The following KLF12 variants were observed in gnomAD, a reference collection of about 807,000 sequenced individuals.
KLF12 encodes KLF transcription factor 12.
In KLF12, 9 loss-of-function variants were observed where a neutral mutation model predicts 37.8. The observed-to-expected ratio is 0.24, with a 90% CI of 0.14 to 0.42. The LOEUF is 0.42. Among genes scored for constraint, KLF12 ranks in the 10% least tolerant of loss-of-function variants. The pLI is 1.00. For missense variants in KLF12, 411 were observed against 516.0 expected (o/e 0.80, Z 1.97); for synonymous variants, 208 against 202.1 (o/e 1.03, Z -0.25).
intron 5 of KLF12, among the ~76,000 whole-genome samples, chr13:73,803,151 C>A (rs1882370310): frequency 1.3e-5 from 2 of 152,170 alleles, no homozygotes; most frequent in Admixed American, 1.3e-4. Context: ...CAAGAGAAAG[C>A]ATGAGTAGAT....
At chr13:74,265,299 C>T in the KLF12 span, among the ~76,000 whole-genome samples, 1 of 152,136 alleles carries the variant, frequency 6.6e-6, no homozygotes, top group African/African-American at 2.4e-5. Context: ...CCTCCAGAGG[C>T]CATTTATTCG....
At chr13:73,995,190 T>C in intron 1 of KLF12, 137 bp from the exon 2 acceptor site, 2 of 611,992 alleles carry the variant, frequency 3.3e-6, no homozygotes, top group Middle Eastern at 8.5e-4. Context: ...TATCTTTTCT[T>C]CAGCTATGTG....
intron 4 of KLF12, among the ~76,000 whole-genome samples, chr13:73,837,056 G>A (rs1884472197): frequency 6.6e-6 from 1 of 152,132 alleles, no homozygotes; most frequent in Non-Finnish European, 1.5e-5. Context: ...TGACTGTCCT[G>A]TTTATCTTCA....
intron 7 of KLF12, among the ~76,000 whole-genome samples, chr13:73,704,606 C>T (rs778531103): frequency 1.3e-5 from 2 of 152,164 alleles, no homozygotes; most frequent in East Asian, 1.9e-4. Flanking sequence ...TCTGTTTCTC[C>T]GTCTTGCCTC....
At chr13:74,014,080 C>A (rs1892621625) in intron 1 of KLF12, among the ~76,000 whole-genome samples, 1 of 152,140 alleles carries the variant, frequency 6.6e-6, no homozygotes, top group African/African-American at 2.4e-5. Flanking sequence ...GGGGCAGGAA[C>A]CTTTTAAACT....
chr13:73,911,879 T>C (rs1202655154), intron 3 of KLF12, among the ~76,000 whole-genome samples: 2 of 152,216 alleles, frequency 1.3e-5, no homozygotes, highest in Non-Finnish European at 2.9e-5. Context: ...AACTCTGTCA[T>C]GTAGGCCAGA....
At chr13:74,294,612 C>T in the KLF12 span, among the ~76,000 whole-genome samples, 1 of 152,034 alleles carries the variant, frequency 6.6e-6, no homozygotes, top group East Asian at 1.9e-4. Flanking sequence ...TGTGATCCAC[C>T]CGCCTCGGCC....
chr13:73,990,159 A>G (rs2138238358), intron 2 of KLF12, among the ~76,000 whole-genome samples: 1 of 152,338 alleles, frequency 6.6e-6, no homozygotes, highest in Non-Finnish European at 1.5e-5. Flanking sequence ...CAGATATGGA[A>G]AATCAAGGAG....
intron 6 of KLF12, among the ~76,000 whole-genome samples, chr13:73,754,044 C>T (rs2137995033): frequency 6.6e-6 from 1 of 152,238 alleles, no homozygotes; most frequent in Non-Finnish European, 1.5e-5. Flanking sequence ...CACATATTCT[C>T]TTCATATTTT....
At chr13:73,893,105 A>C (rs1887591468) in intron 3 of KLF12, among the ~76,000 whole-genome samples, 1 of 151,730 alleles carries the variant, frequency 6.6e-6, no homozygotes, top group South Asian at 2.1e-4. Context: ...CTAACATCTT[A>C]TTTTGAAAAG....
chr13:73,835,208 C>A (rs1355232284), intron 4 of KLF12, among the ~76,000 whole-genome samples: 7 of 151,788 alleles, frequency 4.6e-5, no homozygotes, highest in Non-Finnish European at 1.0e-4. Flanking sequence ...CACTGTCTTG[C>A]AACACTAAAC....
intron 2 of KLF12, among the ~76,000 whole-genome samples, chr13:73,953,970 C>CTTTCTTT (rs1437808345): frequency 7.9e-5 from 7 of 88,534 alleles, no homozygotes; most frequent in African/African-American, 3.1e-4. Context: ...TTTTTTCTTT[C>CTTTCTTT]TTTTTTTTTT....
the KLF12 span, among the ~76,000 whole-genome samples, chr13:74,170,739 G>T: frequency 6.6e-6 from 1 of 152,160 alleles, no homozygotes; most frequent in African/African-American, 2.4e-5. Context: ...ATAAATAAAT[G>T]AATGAATAAT....
At chr13:73,709,058 A>G (rs1341202026) in intron 7 of KLF12, among the ~76,000 whole-genome samples, 1 of 152,194 alleles carries the variant, frequency 6.6e-6, no homozygotes, top group Non-Finnish European at 1.5e-5. Context: ...ATTCAAAAAT[A>G]CTTGGTCACA....
intron 1 of KLF12, among the ~76,000 whole-genome samples, chr13:74,073,134 G>A (rs1008458931): frequency 5.9e-5 from 9 of 152,236 alleles, no homozygotes; most frequent in African/African-American, 1.7e-4. Context: ...TCGTGAGGCC[G>A]CCCGAGCCAT....
chr13:74,172,033 A>G, the KLF12 span, among the ~76,000 whole-genome samples: 3 of 152,136 alleles, frequency 2.0e-5, no homozygotes, highest in Non-Finnish European at 4.4e-5. Context: ...TCCATAATCA[A>G]GCACTATACC....
the KLF12 span, among the ~76,000 whole-genome samples, chr13:74,162,690 C>T: frequency 1.2e-4 from 18 of 152,148 alleles, no homozygotes; most frequent in Non-Finnish European, 2.2e-4. Context: ...TTTTTATTTT[C>T]CACCCCTGGC....
At chr13:74,052,127 TCA>T (rs1246604813) in intron 1 of KLF12, among the ~76,000 whole-genome samples, 5 of 151,672 alleles carry the variant, frequency 3.3e-5, no homozygotes, top group African/African-American at 1.2e-4. Context: ...TTTCTATGCC[TCA>T]GTTTCCTTAT....
chr13:73,896,694 C>T lies in KLF12; in HGVS notation c.123+47287G>A, dbSNP rs941787789. Among the ~76,000 whole-genome samples, 7 of 152,228 alleles carry T rather than the reference C, an allele frequency of 4.6e-5. No homozygotes were observed. In the Middle Eastern group the frequency reaches 0.017, roughly 370 times the overall value. The stretch of plus-strand genomic sequence containing the variant: ...GGCTCTCTTCAGAATTAGCAATTCT[C>T]TTCACATTTTGTTATTTAACCTAAA... On this transcript the variant is annotated intron_variant, in intron 3 of 7. Coordinates refer to ENST00000377669, the MANE Select transcript of KLF12 (RefSeq NM_007249.5).
Sources: gnomAD v4.1 joint callset for allele counts (sites outside exome capture counted in the v4.1 genomes callset) on GRCh38, gnomAD v4.1.1 for gene constraint, MANE v1.5 for transcripts, NCBI Gene and HGNC (gene_info 2026-07-23, HGNC 2026-07-21) for gene names.